FRMD6: variants seen among roughly 807,000 people sequenced by gnomAD.
FRMD6 encodes the protein FERM domain containing 6.
A neutral mutation model predicts 73.2 loss-of-function variants in FRMD6; 37 were observed. That is an observed-to-expected ratio of 0.51 (90% CI 0.39 to 0.66). FRMD6 has a LOEUF of 0.66. Ranked by LOEUF, FRMD6 falls within the 30% of genes least tolerant of loss-of-function variation. FRMD6 has a pLI of 0.00. For missense variants in FRMD6, 714 were observed against 780.5 expected (o/e 0.91, Z 1.02); for synonymous variants, 273 against 282.2 (o/e 0.97, Z 0.33).
At chr14:51,543,308 T>A (rs1886297246) in intron 1 of FRMD6, among the ~76,000 whole-genome samples, 1 of 152,014 alleles carries the variant, frequency 6.6e-6, no homozygotes, top group Non-Finnish European at 1.5e-5. Flanking sequence ...TTTACCTGTG[T>A]CTTTTTCAAT....
At chr14:51,626,183 T>G (rs1374565287) in intron 2 of FRMD6, among the ~76,000 whole-genome samples, 1 of 152,222 alleles carries the variant, frequency 6.6e-6, no homozygotes, top group Non-Finnish European at 1.5e-5. Context: ...GGGACATGGA[T>G]GGAGCTGGAG....
intron 3 of FRMD6, among the ~76,000 whole-genome samples, chr14:51,698,813 C>T (rs1222326817): frequency 1.3e-5 from 2 of 151,924 alleles, no homozygotes; most frequent in Non-Finnish European, 2.9e-5. Context: ...TTCATATAAG[C>T]TTTCTTCTCT....
the FRMD6 span, among the ~76,000 whole-genome samples, chr14:51,440,277 T>C: frequency 6.6e-6 from 1 of 152,200 alleles, no homozygotes; most frequent in Admixed American, 6.5e-5. Context: ...CAGAGAAATT[T>C]ATAATTCATC....
At chr14:51,509,731 A>G (rs1358148280) in intron 1 of FRMD6, among the ~76,000 whole-genome samples, 2 of 151,776 alleles carry the variant, frequency 1.3e-5, no homozygotes, top group Non-Finnish European at 2.9e-5. Context: ...GGTTCAAGCG[A>G]TTCTCCTGCC....
At chr14:51,561,242 G>C (rs777504350) in intron 1 of FRMD6, among the ~76,000 whole-genome samples, 5 of 152,166 alleles carry the variant, frequency 3.3e-5, no homozygotes, top group Non-Finnish European at 5.9e-5. Context: ...TTATATCAAT[G>C]ACAACATTGA....
chr14:51,426,683 G>A, the FRMD6 span, among the ~76,000 whole-genome samples: 1 of 152,194 alleles, frequency 6.6e-6, no homozygotes, highest in African/African-American at 2.4e-5. Flanking sequence ...GAGATGGGGG[G>A]AGTGGAACAG....
the FRMD6 span, among the ~76,000 whole-genome samples, chr14:51,466,643 A>T: frequency 6.6e-6 from 1 of 152,318 alleles, no homozygotes; most frequent in East Asian, 1.9e-4. Context: ...TGTTGTTAAT[A>T]TTACTGTAGC....
At chr14:51,691,217 A>G (rs1895539891) in intron 2 of FRMD6, among the ~76,000 whole-genome samples, 1 of 152,194 alleles carries the variant, frequency 6.6e-6, no homozygotes, top group Non-Finnish European at 1.5e-5. Flanking sequence ...GTTGTGTGAT[A>G]TTCCATTGTA....
At chr14:51,684,548 A>G (rs1319425245) in intron 1 of FRMD6, among the ~76,000 whole-genome samples, 1 of 152,192 alleles carries the variant, frequency 6.6e-6, no homozygotes, top group African/African-American at 2.4e-5. Context: ...TAGTGTCTCT[A>G]TATGGAAACC....
chr14:51,573,629 G>T (rs1294560693), intron 2 of FRMD6, among the ~76,000 whole-genome samples: 1 of 152,170 alleles, frequency 6.6e-6, no homozygotes, highest in South Asian at 2.1e-4. Context: ...GAATTCTTAG[G>T]ATGCTACTGT....
chr14:51,537,639 G>T (rs1885971163), intron 1 of FRMD6, among the ~76,000 whole-genome samples: 1 of 152,176 alleles, frequency 6.6e-6, no homozygotes. Flanking sequence ...ATGAATGAGA[G>T]TTCCTGTTGC....
Position 51,728,029 on chromosome 14 carries a change from A to G in FRMD6, c.1869A>G (p.Ter623=). The G allele has an allele frequency of 1.9e-6, 3 of 1,605,028 alleles. No individual in the cohort carries two copies. The highest frequency in any genetic ancestry group is 2.6e-6 in the Non-Finnish European group (3 of 1,172,964). The part of the protein sequence containing the change: ...THDEVPEFVV[*] ...ATGAAGTTCCAGAGTTTGTTGTGTA[A>G]AGTCCGTCTGTGTGCAGCTGTACAG... The change falls in exon 14 of 14, where the codon TAA becomes TAG. Residue 623 remains the stop codon, a stop_retained_variant. Coordinates refer to ENST00000344768, the MANE Select transcript of FRMD6 (RefSeq NM_001267046.2).
upstream of FRMD6, chr14:51,651,640 G>GC: frequency 6.6e-6 from 1 of 152,258 alleles, no homozygotes; most frequent in Non-Finnish European, 1.5e-5. Context: ...TAGAGGGGTG[G>GC]CGTACTCCGC....
intron 2 of FRMD6, among the ~76,000 whole-genome samples, chr14:51,596,747 C>G (rs183115206): frequency 1.3e-5 from 2 of 152,172 alleles, no homozygotes; most frequent in South Asian, 2.1e-4. Flanking sequence ...AGAGCCCCAC[C>G]GCCTGGTTCA....
intron 1 of FRMD6, among the ~76,000 whole-genome samples, chr14:51,667,976 G>C (rs1893723607): frequency 6.6e-6 from 1 of 152,186 alleles, no homozygotes; most frequent in African/African-American, 2.4e-5. Flanking sequence ...AATATAAGTT[G>C]TAGAGTAAAA....
chr14:51,408,707 G>T, the FRMD6 span, among the ~76,000 whole-genome samples: 29 of 151,942 alleles, frequency 1.9e-4, 1 homozygote, highest in Admixed American at 1.9e-3. Flanking sequence ...ATTTTCTATT[G>T]TGTGTCCAAT....
chr14:51,706,985 T>C (rs11628236), intron 6 of FRMD6, among the ~76,000 whole-genome samples: 41,174 of 152,006 alleles, frequency 0.27, 6,215 homozygotes, highest in Non-Finnish European at 0.34. Flanking sequence ...CATTGAATAT[T>C]GATTATTGAA....
At chr14:51,542,717 C>A (rs1410625443) in intron 1 of FRMD6, among the ~76,000 whole-genome samples, 1 of 152,000 alleles carries the variant, frequency 6.6e-6, no homozygotes, top group African/African-American at 2.4e-5. Flanking sequence ...GTGGTTGTAC[C>A]ACTTTACGTT....
intron 1 of FRMD6, among the ~76,000 whole-genome samples, chr14:51,522,630 A>G (rs17124088): frequency 0.13 from 20,403 of 152,168 alleles, 1,491 homozygotes; most frequent in East Asian, 0.26. Context: ...CAGCATCATA[A>G]AAATATCATG....
Sources: allele counts gnomAD v4.1 joint callset (sites outside exome capture counted in the v4.1 genomes callset), GRCh38; gene constraint gnomAD v4.1.1; transcripts MANE v1.5; gene names NCBI Gene and HGNC (gene_info 2026-07-23, HGNC 2026-07-21).